Variants in MGST2 observed in about 807,000 individuals in gnomAD.
MGST2 encodes the protein glutathione peroxidase MGST2.
In MGST2, 9 loss-of-function variants were observed where a neutral mutation model predicts 16.6. The ratio of observed to expected loss-of-function variants is 0.54; its 90% CI spans 0.33 to 0.95. The LOEUF is 0.95. Ranked by LOEUF, MGST2 falls within the 40% of genes least tolerant of loss-of-function variation. The probability of loss-of-function intolerance (pLI) is 0.03; values close to 1 mark genes in which losing one functional copy is unlikely to be tolerated. For missense variants in MGST2, 159 were observed against 175.1 expected (o/e 0.91, Z 0.52); for synonymous variants, 79 against 68.0 (o/e 1.16, Z -0.79).
At chr4:139,704,561 G>A (rs190436651), downstream of MGST2, among the ~76,000 whole-genome samples, 1 of 152,332 alleles carries the variant, frequency 6.6e-6, no homozygotes, top group Admixed American at 6.5e-5. Flanking sequence ...GAAGGCATGT[G>A]GGGGACATCA....
chr4:139,719,313 C>A, intron 5 of MGST2: 1 of 1,554,346 alleles, frequency 6.4e-7, no homozygotes, highest in Non-Finnish European at 8.7e-7. Context: ...GATCTTGGGG[C>A]CTCTCTTGAT....
chr4:139,754,522 C>T, the MGST2 span, among the ~76,000 whole-genome samples: 1 of 152,136 alleles, frequency 6.6e-6, no homozygotes, highest in South Asian at 2.1e-4. Flanking sequence ...AAATAATTTT[C>T]AATTTTCACT....
At chr4:139,724,806 G>C (rs4863678) in intron 5 of MGST2, among the ~76,000 whole-genome samples, 2 of 144,538 alleles carry the variant, frequency 1.4e-5, no homozygotes, top group Non-Finnish European at 3.0e-5. Context: ...ACAGAGTCTC[G>C]CTCTGTTGCC....
intron 5 of MGST2, among the ~76,000 whole-genome samples, chr4:139,737,044 G>A (rs1296856814): frequency 6.6e-6 from 1 of 152,190 alleles, no homozygotes; most frequent in Non-Finnish European, 1.5e-5. Context: ...GACTACTCCA[G>A]TTGCAACTGT....
At chr4:139,742,503 A>G (rs369084764), downstream of MGST2, among the ~76,000 whole-genome samples, 2 of 152,286 alleles carry the variant, frequency 1.3e-5, no homozygotes, top group East Asian at 3.9e-4. Flanking sequence ...ATGATTCAGC[A>G]GTGCTTGGCT....
intron 5 of MGST2, among the ~76,000 whole-genome samples, chr4:139,733,332 G>GT (rs1728797627): frequency 6.6e-6 from 1 of 152,140 alleles, no homozygotes; most frequent in South Asian, 2.1e-4. Context: ...GAGAGGGTTG[G>GT]TCTGGGATGG....
chr4:139,752,579 C>T, the MGST2 span, among the ~76,000 whole-genome samples: 1 of 152,188 alleles, frequency 6.6e-6, no homozygotes, highest in Non-Finnish European at 1.5e-5. Flanking sequence ...GAAGCCAGGA[C>T]TTCTCATGTC....
rs1200973325 is a variant in MGST2 at position 139,730,957 on chromosome 4, A to G, written c.*49-9255A>G. Reference sequence around the variant, plus strand: ...CTATTGCATATAGACTGGATTTTCAACTAACATCCTGTGTTCCTCCAAGGA... The same window carrying G: ...CTATTGCATATAGACTGGATTTTCAGCTAACATCCTGTGTTCCTCCAAGGA... On this transcript the variant is annotated intron_variant, in intron 5 of 5. Coordinates refer to the MGST2 transcript ENST00000616265. The G allele has an allele frequency of 1.2e-5, 5 of 423,866 alleles. No homozygotes were observed. In the South Asian group the frequency reaches 1.3e-4, roughly 11 times the overall value. 26.3% of individuals were successfully genotyped at this position (423,866 alleles called of 1,614,324 possible).
rs181240127 is a variant in MGST2 at position 139,735,254 on chromosome 4, G to A, written c.*49-4958G>A. On this transcript the variant is annotated intron_variant, in intron 5 of 5. Transcript: ENST00000616265. The surrounding 1 kb of genome is among the most constrained non-coding windows in gnomAD (Gnocchi z 5.8). The stretch of plus-strand genomic sequence containing the variant: ...CAATCCAGGAATTCCCTGGTGACTC[G>A]AGGCCCTCTTTGCACAAAATGAGTT... 6.6e-6 allele frequency among the ~76,000 whole-genome samples: 1 copy of A among 152,334 alleles called. No homozygotes were observed. The highest frequency in any genetic ancestry group is 1.5e-5 in the Non-Finnish European group (1 of 68,042).
chr4:139,738,258 G>T (rs1729022412), intron 5 of MGST2, among the ~76,000 whole-genome samples: 1 of 152,188 alleles, frequency 6.6e-6, no homozygotes, highest in Non-Finnish European at 1.5e-5. Context: ...ACTTGTCATG[G>T]TCAGGCCAGG....
intron 5 of MGST2, among the ~76,000 whole-genome samples, chr4:139,729,475 A>G (rs1437766161): frequency 1.3e-5 from 2 of 152,176 alleles, no homozygotes; most frequent in Non-Finnish European, 2.9e-5. Flanking sequence ...GAAAAAATTC[A>G]TAAAATTCTG....
At chr4:139,730,911 G>A in intron 5 of MGST2, 1 of 565,516 alleles carries the variant, frequency 1.8e-6, no homozygotes, top group Admixed American at 3.0e-5. Context: ...GCCAAGTCCA[G>A]TCTGTTTCGG....
At chr4:139,709,623 T>C (rs1272287672) in intron 5 of MGST2, among the ~76,000 whole-genome samples, 2 of 152,204 alleles carry the variant, frequency 1.3e-5, no homozygotes, top group African/African-American at 2.4e-5. Context: ...GGTAAGTGTA[T>C]AGGTATTCGT....
intron 5 of MGST2, among the ~76,000 whole-genome samples, chr4:139,714,036 C>T (rs1184219252): frequency 1.3e-5 from 2 of 152,122 alleles, no homozygotes; most frequent in East Asian, 1.9e-4. Context: ...GTGGAGACCA[C>T]GGGAAGGTAC....
chr4:139,715,962 G>T lies in MGST2; in HGVS notation c.*48+11766G>T, dbSNP rs540664718. Among the ~76,000 whole-genome samples the T allele has an allele frequency of 9.2e-5, 14 of 152,220 alleles. No homozygotes were observed. Among genetic ancestry groups the T allele is most frequent in the African/African-American group, 3.4e-4 (14 of 41,542 alleles). ...CTCCTATTTAACATGGAGTTGCTCT[G>T]GTTCACACGCCTCTGACAAAACTCC... On this transcript the variant is annotated intron_variant, in intron 5 of 5. Transcript: ENST00000616265. This position sits in a 1 kb window ranked among gnomAD's most constrained non-coding sequence, Gnocchi z 4.4.
chr4:139,690,083 C>G (rs1025426816), intron 2 of MGST2, among the ~76,000 whole-genome samples: 1 of 152,128 alleles, frequency 6.6e-6, no homozygotes, highest in Non-Finnish European at 1.5e-5. Context: ...CCTCCGCCTC[C>G]TGGGTTCAAG....
chr4:139,744,323 G>A (rs1729255852), downstream of MGST2, among the ~76,000 whole-genome samples: 1 of 152,142 alleles, frequency 6.6e-6, no homozygotes, highest in African/African-American at 2.4e-5. Flanking sequence ...AGATCTTAGA[G>A]TTGATTTTTC....
chr4:139,703,211 G>A (rs1727369653), intron 3 of MGST2, among the ~76,000 whole-genome samples: 1 of 152,032 alleles, frequency 6.6e-6, no homozygotes, highest in African/African-American at 2.4e-5. Flanking sequence ...ACAGGCCTGA[G>A]CTACCACGTC....
chr4:139,748,250 T>G, the MGST2 span, among the ~76,000 whole-genome samples: 156 of 152,172 alleles, frequency 1.0e-3, no homozygotes, highest in African/African-American at 3.3e-3. Context: ...TTTGGGGCAC[T>G]TGAGCCATAA....
Sources: gnomAD v4.1 joint callset for allele counts (sites outside exome capture counted in the v4.1 genomes callset) on GRCh38, gnomAD v4.1.1 for gene constraint, Gnocchi (gnomAD v3.1) non-coding constraint, MANE v1.5 for transcripts, NCBI Gene and HGNC (gene_info 2026-07-23, HGNC 2026-07-21) for gene names.